Variants in R3HDM2 observed in about 807,000 individuals in gnomAD.
R3HDM2 encodes R3H domain containing 2, also known as R3H domain-containing protein 2.
R3HDM2 carries 38 observed loss-of-function variants against 124.5 expected under a neutral mutation model. The ratio of observed to expected loss-of-function variants is 0.31; its 90% CI spans 0.24 to 0.40. The LOEUF (loss-of-function observed/expected upper bound fraction) is 0.40. Ranked by LOEUF, R3HDM2 falls within the 10% of genes least tolerant of loss-of-function variation. R3HDM2 has a pLI of 1.00. For synonymous variants in R3HDM2, 391 were observed against 448.0 expected, an observed-to-expected ratio of 0.87 and a Z score of 1.61; for missense variants, 869 against 1,236.9, an observed-to-expected ratio of 0.70 and a Z score of 4.46.
chr12:57,270,215 A>T (rs1361344310), intron 14 of R3HDM2, among the ~76,000 whole-genome samples: 1 of 152,008 alleles, frequency 6.6e-6, no homozygotes, highest in Non-Finnish European at 1.5e-5. Flanking sequence ...GACCCTGATT[A>T]TAATTGTGTG....
rs200796987 is a variant in R3HDM2 at position 57,303,580 on chromosome 12, CA to C, written c.166-364del. 2.4e-3 allele frequency among the ~76,000 whole-genome samples: 223 copies of C among 94,654 alleles called. 1 individual carries two copies. Among genetic ancestry groups the C allele is most frequent in the African/African-American group, 6.9e-3 (178 of 25,844 alleles). The allele number at this position is 94,654 out of a possible 152,430, so 62.1% of individuals were successfully genotyped here. ...GCAACAAGGCGAAATCCCATCTCTA[CA>C]AAAAAAAAAACAAAACCAAAAAGAC... On this transcript the variant is annotated intron_variant, in intron 3 of 23. Transcript: ENST00000402412.
intron 1 of R3HDM2, chr12:57,430,496 C>CA: frequency 5.3e-6 from 5 of 940,702 alleles, no homozygotes; most frequent in South Asian, 4.9e-5. Flanking sequence ...CCTGCCCCCG[C>CA]ACCGCCGCCC....
rs952569089 is a variant in R3HDM2 at position 57,279,120 on chromosome 12, G to A, written c.1344+1238C>T. On this transcript the variant is annotated intron_variant, in intron 14 of 23. Coordinates refer to ENST00000402412, the MANE Select transcript of R3HDM2 (RefSeq NM_001394031.1). ...GCTCTCCTCAAAAAGAGCTCTATTC[G>A]TGTGAGAAGGGAGTAAGTGAAGATC... is the stretch of plus-strand genomic sequence containing the variant. Among the ~76,000 whole-genome samples, 6 of 151,482 alleles carry A rather than the reference G, an allele frequency of 4.0e-5. No individual in the cohort carries two copies. In the South Asian group the frequency reaches 6.3e-4, roughly 16 times the overall value.
intron 2 of R3HDM2, among the ~76,000 whole-genome samples, chr12:57,343,787 CAG>C (rs2059835749): frequency 9.3e-6 from 1 of 107,244 alleles, no homozygotes; most frequent in African/African-American, 3.6e-5. Context: ...AAAAAAAAAA[CAG>C]GTTCTGGCTT....
chr12:57,430,845 C>T lies in R3HDM2; in HGVS notation c.-231G>A, dbSNP rs1869730888. The T allele has an allele frequency of 6.8e-6, 1 of 147,426 alleles. No individual in the cohort carries two copies. The highest frequency in any genetic ancestry group is 2.5e-5 in the African/African-American group (1 of 40,518). The allele number at this position is 147,426 out of a possible 1,614,324, so 9.1% of individuals were successfully genotyped here. On this transcript the variant is annotated 5_prime_UTR_variant, in exon 1 of 24. Coordinates refer to ENST00000402412, the MANE Select transcript of R3HDM2 (RefSeq NM_001394031.1). Reference sequence around the variant, plus strand: ...GCTTCTGGGGGCGGGCTTTTCTCGGCCGGGGCTTCCCCGGGGCCGAGGGCT... The same window carrying T: ...GCTTCTGGGGGCGGGCTTTTCTCGGTCGGGGCTTCCCCGGGGCCGAGGGCT...
chr12:57,360,606 A>T (rs991965062), intron 2 of R3HDM2, among the ~76,000 whole-genome samples: 11 of 151,284 alleles, frequency 7.3e-5, no homozygotes, highest in African/African-American at 2.7e-4. Flanking sequence ...TGAGCAACAG[A>T]GACTGTAGGA....
At chr12:57,348,637 T>A (rs902078731) in intron 2 of R3HDM2, among the ~76,000 whole-genome samples, 1 of 136,524 alleles carries the variant, frequency 7.3e-6, no homozygotes, top group South Asian at 2.2e-4. Context: ...GAGGTTGCAG[T>A]GAGCCAAGAT....
intron 1 of R3HDM2, among the ~76,000 whole-genome samples, chr12:57,401,812 C>T (rs2068076451): frequency 6.6e-6 from 1 of 150,754 alleles, no homozygotes; most frequent in Admixed American, 6.6e-5. Context: ...GGTGAAACCC[C>T]TGCCTCTACT....
intron 2 of R3HDM2, among the ~76,000 whole-genome samples, chr12:57,347,214 C>A (rs910623469): frequency 6.6e-6 from 1 of 152,064 alleles, no homozygotes; most frequent in East Asian, 1.9e-4. Flanking sequence ...CCACCGCACT[C>A]CAGCCTGGAT....
chr12:57,402,665 G>A (rs1043149512), intron 1 of R3HDM2, among the ~76,000 whole-genome samples: 6 of 152,024 alleles, frequency 3.9e-5, no homozygotes, highest in African/African-American at 1.4e-4. Context: ...AGCTACTCGG[G>A]AGGCTGAGGC....
At chr12:57,380,778 G>A (rs1054956240) in intron 2 of R3HDM2, among the ~76,000 whole-genome samples, 5 of 151,696 alleles carry the variant, frequency 3.3e-5, no homozygotes, top group Non-Finnish European at 7.4e-5. Context: ...TAAAAAAAAA[G>A]ACACAAAAGC....
rs986194496 is a variant in R3HDM2, at chr12:57,272,546, C to T, written c.1345-2552G>A. On this transcript the variant is annotated intron_variant, in intron 14 of 23. Transcript: ENST00000402412. ...CAGGCTGCGGAGAGGGCTGCAGAGC[C>T]GGGACTGGCTGTGGGCCAGCAGAGA... The T allele has an allele frequency of 1.4e-5, 19 of 1,325,236 alleles. No individual in the cohort carries two copies. The African/African-American group carries it at 2.4e-4, about 17-fold the overall frequency. The allele number at this position is 1,325,236 out of a possible 1,614,324, so 82.1% of individuals were successfully genotyped here. A position where few individuals can be genotyped will look rare whatever the true frequency, so the allele number is the denominator to read the frequency against.
At chr12:57,401,558 T>A (rs1383227459) in intron 1 of R3HDM2, among the ~76,000 whole-genome samples, 1 of 152,208 alleles carries the variant, frequency 6.6e-6, no homozygotes, top group Non-Finnish European at 1.5e-5. Context: ...ACTTAAATCA[T>A]AAACAAAGAA....
chr12:57,354,617 T>C (rs1292917053), intron 2 of R3HDM2, among the ~76,000 whole-genome samples: 3 of 152,054 alleles, frequency 2.0e-5, no homozygotes, highest in Non-Finnish European at 4.4e-5. Context: ...TGAGTAATAC[T>C]GAACATCTTT....
intron 2 of R3HDM2, among the ~76,000 whole-genome samples, chr12:57,313,223 A>G (rs2139167792): frequency 6.6e-6 from 1 of 152,282 alleles, no homozygotes; most frequent in East Asian, 1.9e-4. Flanking sequence ...AAAACTCAGC[A>G]CATGCATTCT....
intron 17 of R3HDM2, 136 bp downstream of exon 17, chr12:57,268,786 A>T (rs948912138): frequency 8.4e-7 from 1 of 1,197,292 alleles, no homozygotes; most frequent in Non-Finnish European, 1.2e-6. Flanking sequence ...CCGTTATAGG[A>T]AAAAAACCTA....
At chr12:57,386,487 G>C (rs1238642242) in intron 2 of R3HDM2, among the ~76,000 whole-genome samples, 2 of 152,242 alleles carry the variant, frequency 1.3e-5, no homozygotes, top group Non-Finnish European at 2.9e-5. Context: ...TTCTTGCCGG[G>C]CCTTAGCTGC....
At chr12:57,393,286 T>C (rs1026779876) in intron 2 of R3HDM2, among the ~76,000 whole-genome samples, 1 of 151,992 alleles carries the variant, frequency 6.6e-6, no homozygotes, top group African/African-American at 2.4e-5. Flanking sequence ...GAATTTTTAG[T>C]AGAAACGGGG....
chr12:57,260,764 C>T (rs1266808522), intron 19 of R3HDM2, among the ~76,000 whole-genome samples: 1 of 152,194 alleles, frequency 6.6e-6, no homozygotes, highest in Non-Finnish European at 1.5e-5. Flanking sequence ...GCCACTGCTG[C>T]TGTCATCAAA....
Sources: allele counts gnomAD v4.1 joint callset (sites outside exome capture counted in the v4.1 genomes callset), GRCh38; gene constraint gnomAD v4.1.1; transcripts MANE v1.5; gene names NCBI Gene and HGNC (gene_info 2026-07-23, HGNC 2026-07-21).